Variants in FRY observed in about 807,000 individuals in gnomAD.
The protein encoded by FRY is protein furry homolog.
Under a neutral mutation model 348.4 loss-of-function variants are expected in FRY, and 128 were observed. The ratio of observed to expected loss-of-function variants is 0.37; its 90% CI spans 0.32 to 0.43. The LOEUF (loss-of-function observed/expected upper bound fraction) is 0.43, where lower values mean the gene tolerates loss of function less well. Among genes scored for constraint, FRY ranks in the 20% least tolerant of loss-of-function variants. The pLI is 1.00. For synonymous variants in FRY, 1,370 were observed against 1,374.7 expected (o/e 1.00, Z 0.08); for missense variants, 2,736 against 3,695.2 (o/e 0.74, Z 6.73).
intron 58 of FRY, among the ~76,000 whole-genome samples, chr13:32,287,179 G>C (rs1436833987): frequency 6.7e-6 from 1 of 148,366 alleles, no homozygotes; most frequent in East Asian, 1.9e-4. Context: ...AAAAAAAAAA[G>C]AAAGAAATTG....
chr13:32,097,584 T>C (rs426510), intron 2 of FRY, among the ~76,000 whole-genome samples: 104,690 of 151,198 alleles, frequency 0.69, 36,402 homozygotes, highest in South Asian at 0.79. Context: ...TGGTCTCGAA[T>C]TCCCAACATC....
chr13:32,247,297 A>G (rs1162451073), intron 47 of FRY, 26 bp from the exon 48 acceptor site: 4 of 1,581,158 alleles, frequency 2.5e-6, no homozygotes, highest in African/African-American at 1.3e-5. Flanking sequence ...ATTATTTTTA[A>G]CCCTTGAATG....
chr13:32,228,688 A>G (rs1208495426), intron 40 of FRY, 34 bp downstream of exon 40: 3 of 1,598,038 alleles, frequency 1.9e-6, no homozygotes, highest in Non-Finnish European at 2.6e-6. Flanking sequence ...TGCTGTTTGC[A>G]GGTTGGTCTT....
Position 32,265,467 on chromosome 13 carries a change from G to A in FRY, c.7797G>A (p.Glu2599=). The change falls in exon 54 of 61, where the codon GAG becomes GAA. Residue 2599 remains glutamate (E), a synonymous_variant. Transcript: ENST00000542859. ...TCTTCCAGGCTGAAGCTGTTCGTGA[G>A]GAGGAGGACACCACCGTGCATGAGG... ...SEGSKAEAVR[E]EEDTTVHEDD... 1 of 1,613,992 alleles carries A rather than the reference G, an allele frequency of 6.2e-7. No individual in the cohort carries two copies. Among genetic ancestry groups the A allele is most frequent in the Non-Finnish European group, 8.5e-7 (1 of 1,179,926 alleles).
chr13:32,064,810 G>A (rs1471073587), intron 1 of FRY, among the ~76,000 whole-genome samples: 5 of 152,102 alleles, frequency 3.3e-5, no homozygotes, highest in Non-Finnish European at 5.9e-5. Flanking sequence ...CTTATACTAA[G>A]GTCTTAATGA....
intron 11 of FRY, among the ~76,000 whole-genome samples, chr13:32,146,080 T>C (rs1261554766): frequency 6.6e-6 from 1 of 152,100 alleles, no homozygotes; most frequent in African/African-American, 2.4e-5. Flanking sequence ...TTCACCAGCA[T>C]ACAAAGGATT....
intron 17 of FRY, among the ~76,000 whole-genome samples, chr13:32,166,499 T>C (rs1471486702): frequency 6.6e-6 from 1 of 152,200 alleles, no homozygotes. Context: ...GACATCTTTC[T>C]CATTTAACTC....
At chr13:32,289,096 C>T (rs1465634005) in intron 58 of FRY, among the ~76,000 whole-genome samples, 1 of 152,034 alleles carries the variant, frequency 6.6e-6, no homozygotes, top group Non-Finnish European at 1.5e-5. Context: ...TTTTTCTAAG[C>T]ATTTTTGGTC....
At chr13:32,111,630 A>G (rs1877968553) in intron 3 of FRY, among the ~76,000 whole-genome samples, 1 of 152,160 alleles carries the variant, frequency 6.6e-6, no homozygotes, top group Non-Finnish European at 1.5e-5. Flanking sequence ...GAAAGGGGAG[A>G]GCAGGATCAT....
intron 10 of FRY, among the ~76,000 whole-genome samples, chr13:32,136,516 C>G (rs1879730009): frequency 6.6e-6 from 1 of 151,954 alleles, no homozygotes; most frequent in African/African-American, 2.4e-5. Context: ...TGCCTTCCTG[C>G]TTTTTTTTCT....
At chr13:32,250,807 C>T (rs1409669720) in intron 49 of FRY, among the ~76,000 whole-genome samples, 1 of 152,220 alleles carries the variant, frequency 6.6e-6, no homozygotes, top group Non-Finnish European at 1.5e-5. Context: ...AGCAGGTTCT[C>T]AGTGAGTGTT....
rs566920047 is a variant in FRY, at chr13:32,168,701, G to A, written c.1893-2311G>A. Reference sequence around the variant, plus strand: ...ATTAGCTTAGATCTTCCTTCTCAGTGTCTGTGTAGAACTTTACATGCTTTT... The same window carrying A: ...ATTAGCTTAGATCTTCCTTCTCAGTATCTGTGTAGAACTTTACATGCTTTT... On this transcript the variant is annotated intron_variant, in intron 17 of 60. Transcript: ENST00000542859. Among the ~76,000 whole-genome samples the A allele has an allele frequency of 3.3e-5, 5 of 152,304 alleles. No homozygotes were observed. In the East Asian group the frequency reaches 9.6e-4, roughly 29 times the overall value.
intron 7 of FRY, among the ~76,000 whole-genome samples, chr13:32,125,412 G>A (rs1227389789): frequency 6.6e-6 from 1 of 152,168 alleles, no homozygotes; most frequent in African/African-American, 2.4e-5. Context: ...TAGACTATTA[G>A]CAACAATATA....
intron 1 of FRY, among the ~76,000 whole-genome samples, chr13:32,050,994 ACT>A (rs940628481): frequency 1.3e-5 from 2 of 152,178 alleles, no homozygotes; most frequent in Non-Finnish European, 2.9e-5. Flanking sequence ...ATGTCAACAG[ACT>A]CTGAAAAGCA....
intron 17 of FRY, among the ~76,000 whole-genome samples, chr13:32,169,795 A>C (rs1881951751): frequency 6.6e-6 from 1 of 152,174 alleles, no homozygotes; most frequent in Non-Finnish European, 1.5e-5. Context: ...TTTGCTTATT[A>C]AATAAATGAA....
In FRY at chr13:32,296,557, T is replaced by A. The variant is rs1328994208; in HGVS notation, c.*1097T>A. On this transcript the variant is annotated 3_prime_UTR_variant, in exon 61 of 61. Coordinates refer to ENST00000542859, the MANE Select transcript of FRY (RefSeq NM_023037.3). ...TAACTTATTCACTCTGTAAATACAT[T>A]TAAAGTTTTTGTGATGTAAGCTTAA... is the stretch of plus-strand genomic sequence containing the variant. 6.6e-6 allele frequency: 1 copy of A among 152,466 alleles called. No individual in the cohort carries two copies. The highest frequency in any genetic ancestry group is 1.5e-5 in the Non-Finnish European group (1 of 68,020). The allele number at this position is 152,466 out of a possible 1,614,324, so 9.4% of individuals were successfully genotyped here.
chr13:32,155,951 A>G (rs951684452), intron 15 of FRY, among the ~76,000 whole-genome samples: 1 of 152,224 alleles, frequency 6.6e-6, no homozygotes, highest in Non-Finnish European at 1.5e-5. Flanking sequence ...TCTCCAAGAC[A>G]TCTGTGTGCT....
Position 32,194,231 on chromosome 13 carries a change from G to A in FRY, c.3680G>A (p.Cys1227Tyr). 6 of 1,614,006 alleles carry A rather than the reference G, an allele frequency of 3.7e-6. No individual in the cohort carries two copies. The highest frequency in any genetic ancestry group is 5.1e-6 in the Non-Finnish European group (6 of 1,179,930). Residue 1227 changes from cysteine to tyrosine, a missense_variant, in exon 29 of 61, where the codon TGC (cysteine) becomes TAC (tyrosine). Physicochemically the swap from Cys to Tyr is radical, Grantham distance 194. Coordinates refer to ENST00000542859, the MANE Select transcript of FRY (RefSeq NM_023037.3). ...INLFNWAIDR[C>Y]YTGSYQLASG... ...CTTTTTAACTGGGCAATTGACCGATGCTACACAGGTTCCTACCAACTTGCA... is the reference window on the plus strand; with the variant it reads ...CTTTTTAACTGGGCAATTGACCGATACTACACAGGTTCCTACCAACTTGCA...
At chr13:32,212,605 T>A (rs893907651) in intron 35 of FRY, among the ~76,000 whole-genome samples, 7 of 152,144 alleles carry the variant, frequency 4.6e-5, no homozygotes, top group Non-Finnish European at 8.8e-5. Context: ...AGAAGGGTGT[T>A]GTTCTGGTGG....
Sources: gnomAD v4.1 joint callset for allele counts (sites outside exome capture counted in the v4.1 genomes callset) on GRCh38, gnomAD v4.1.1 for gene constraint, MANE v1.5 for transcripts, NCBI Gene and HGNC (gene_info 2026-07-23, HGNC 2026-07-21) for gene names.